ZNF484: variants seen among roughly 807,000 people sequenced by gnomAD.
ZNF484 encodes the protein zinc finger protein 484, also known as KRAB box containing C2H2 type zinc finger bA526D8.4.
Under a neutral mutation model 12.9 loss-of-function variants are expected in ZNF484, and 11 were observed. The ratio of observed to expected loss-of-function variants is 0.85; its 90% CI spans 0.54 to 1.41. The LOEUF is 1.41. Among genes scored for constraint, ZNF484 ranks in the 40% most tolerant of loss-of-function variants. ZNF484 has a pLI of 0.00. For synonymous variants in ZNF484, 289 were observed against 334.1 expected (o/e 0.86, Z 1.47); for missense variants, 807 against 1,007.7 (o/e 0.80, Z 2.70).
chr9:92,855,351 C>G (rs1856372295), intron 4 of ZNF484, among the ~76,000 whole-genome samples: 1 of 151,888 alleles, frequency 6.6e-6, no homozygotes, highest in Non-Finnish European at 1.5e-5. Context: ...TTGTGAGGCA[C>G]TAAGGGGAAA....
At chr9:92,872,909 T>TA (rs201962665) in intron 2 of ZNF484, among the ~76,000 whole-genome samples, 5,072 of 144,094 alleles carry the variant, frequency 0.035, 155 homozygotes, top group African/African-American at 0.089. Context: ...TTTCAAGTGC[T>TA]AAAAAAAAAA....
At chr9:92,867,587 C>T (rs1008428497) in intron 2 of ZNF484, among the ~76,000 whole-genome samples, 7 of 152,106 alleles carry the variant, frequency 4.6e-5, no homozygotes, top group Admixed American at 3.3e-4. Flanking sequence ...ATGTAACAAA[C>T]CTGCACATTC....
intron 2 of ZNF484, among the ~76,000 whole-genome samples, chr9:92,860,103 A>G (rs1255250101): frequency 1.3e-5 from 2 of 152,182 alleles, no homozygotes; most frequent in Non-Finnish European, 2.9e-5. Flanking sequence ...TGCATGGCCA[A>G]AGGTACCCCA....
At position 92,844,962 on chromosome 9, in the gene ZNF484, A is replaced by T. The variant is rs35586271; in HGVS notation, c.*1266T>A. The T allele has an allele frequency of 6.6e-6, 1 of 152,184 alleles. No individual in the cohort carries two copies. The highest frequency in any genetic ancestry group is 1.5e-5 in the Non-Finnish European group (1 of 68,020). The allele number at this position is 152,184 out of a possible 1,614,324, so 9.4% of individuals were successfully genotyped here. A position where few individuals can be genotyped will look rare whatever the true frequency, so the allele number is the denominator to read the frequency against. On this transcript the variant is annotated 3_prime_UTR_variant, in exon 5 of 5. Transcript: ENST00000375495. ...CAGAATCCAAATATACAAAATTAATACCATATAAGAGACAAATAAATGAAA... is the reference window on the plus strand; with the variant it reads ...CAGAATCCAAATATACAAAATTAATTCCATATAAGAGACAAATAAATGAAA...
chr9:92,862,656 A>G (rs1347664625), intron 2 of ZNF484, among the ~76,000 whole-genome samples: 1 of 152,218 alleles, frequency 6.6e-6, no homozygotes, highest in African/African-American at 2.4e-5. Context: ...CAGTAGAGGT[A>G]TGCTGGCATG....
Position 92,847,328 on chromosome 9 carries a change from G to A in ZNF484, c.1459C>T (p.Gln487Ter). 1 of 1,613,526 alleles carries A rather than the reference G, an allele frequency of 6.2e-7. No individual in the cohort carries two copies. The highest frequency in any genetic ancestry group is 1.7e-5 in the Admixed American group (1 of 59,910). The change falls in exon 5 of 5, where the codon CAG becomes TAG. Residue 487 changes from glutamine (Q) to a stop codon, truncating the protein, a stop_gained. Transcript: ENST00000375495. LOFTEE classifies it low-confidence loss of function (END_TRUNC). ...FTHKTNLIIHQKIHTGERPYI... is the reference protein window; with the variant it reads ...FTHKTNLIIH ...GGTCTTTCTCCTGTATGAATTTTCT[G>A]GTGTATAATGAGATTTGTCTTGTGA...
intron 1 of ZNF484, among the ~76,000 whole-genome samples, chr9:92,877,530 T>C (rs948433188): frequency 6.6e-4 from 100 of 151,804 alleles, no homozygotes; most frequent in African/African-American, 2.2e-3. Context: ...GAAACGAAAA[T>C]ATAAACAGAT....
At chr9:92,860,817 G>A (rs1173108850) in intron 2 of ZNF484, among the ~76,000 whole-genome samples, 3 of 152,020 alleles carry the variant, frequency 2.0e-5, no homozygotes, top group Non-Finnish European at 2.9e-5. Context: ...GACTGTATTG[G>A]CTAACCCTAC....
At chr9:92,858,454 A>G (rs1186531343) in intron 2 of ZNF484, among the ~76,000 whole-genome samples, 3 of 152,206 alleles carry the variant, frequency 2.0e-5, no homozygotes, top group African/African-American at 7.2e-5. Flanking sequence ...GGAAAAAGCA[A>G]TATTTGAAGA....
At chr9:92,870,245 C>T (rs1201054263) in intron 2 of ZNF484, among the ~76,000 whole-genome samples, 4 of 151,958 alleles carry the variant, frequency 2.6e-5, no homozygotes, top group African/African-American at 9.7e-5. Context: ...ACCAGGTGTT[C>T]GAAAAACCTA....
chr9:92,872,449 C>A (rs1229198153), intron 2 of ZNF484, among the ~76,000 whole-genome samples: 3 of 87,246 alleles, frequency 3.4e-5, no homozygotes, highest in Non-Finnish European at 6.3e-5. Flanking sequence ...GAGATCGCGC[C>A]ATTGCACTCC....
At chr9:92,855,408 G>C (rs1287881195) in intron 4 of ZNF484, among the ~76,000 whole-genome samples, 1 of 152,150 alleles carries the variant, frequency 6.6e-6, no homozygotes, top group Non-Finnish European at 1.5e-5. Context: ...GTAATGCATA[G>C]TAATGTTTTC....
intron 2 of ZNF484, among the ~76,000 whole-genome samples, chr9:92,863,266 G>A (rs1224249626): frequency 1.7e-5 from 2 of 119,878 alleles, no homozygotes; most frequent in African/African-American, 3.1e-5. Flanking sequence ...GGGCCTGTTG[G>A]GGAAGGGTGG....
rs774609142 is a variant in ZNF484, at chr9:92,847,854, A to C, written c.933T>G (p.Asp311Glu). Residue 311 changes from aspartate (D) to glutamate (E), a missense_variant, in exon 5 of 5, where the codon GAT becomes GAG. Coordinates refer to ENST00000375495, the MANE Select transcript of ZNF484 (RefSeq NM_031486.4). ...YAGICTEYEKDFSLKSNRQKT... is the reference protein window; with the variant it reads ...YAGICTEYEKEFSLKSNRQKT... ...TCTGACGGTTTGACTTGAGGGAAAAATCCTTCTCATATTCAGTGCATATTC... is the reference window on the plus strand; with the variant it reads ...TCTGACGGTTTGACTTGAGGGAAAACTCCTTCTCATATTCAGTGCATATTC... 109 of 1,614,012 alleles carry C rather than the reference A, an allele frequency of 6.8e-5. No homozygotes were observed. The highest frequency in any genetic ancestry group is 9.1e-5 in the Non-Finnish European group (107 of 1,180,034).
At chr9:92,852,529 CTTTTTTTTTTT>C (rs760841960) in intron 4 of ZNF484, among the ~76,000 whole-genome samples, 1 of 63,450 alleles carries the variant, frequency 1.6e-5, no homozygotes, top group Non-Finnish European at 2.7e-5. Context: ...CACGCCCAGC[CTTTTTTTTTTT>C]TTTTTTTTTT....
intron 2 of ZNF484, among the ~76,000 whole-genome samples, chr9:92,858,899 G>A (rs1856620056): frequency 6.6e-6 from 1 of 152,168 alleles, no homozygotes; most frequent in Non-Finnish European, 1.5e-5. Flanking sequence ...GCTGAGGCAG[G>A]CGGATCATGA....
At chr9:92,862,202 C>T (rs1856822049) in intron 2 of ZNF484, 7 of 905,636 alleles carry the variant, frequency 7.7e-6, no homozygotes, top group Admixed American at 6.2e-5. Flanking sequence ...AACTGCCATA[C>T]ATTTATTAAG....
In ZNF484 at chr9:92,847,117, C is replaced by T; in HGVS notation, c.1670G>A (p.Cys557Tyr). The change falls in exon 5 of 5, where the codon TGT (cysteine) becomes TAT (tyrosine). Residue 557 changes from cysteine to tyrosine, a missense_variant. Transcript: ENST00000375495. Reference sequence around the variant, plus strand: ...TGACTTCTGAATGAATGCTTTCCCACATTCACTGCATTCATAATGTCTCTC... The same window carrying T: ...TGACTTCTGAATGAATGCTTTCCCATATTCACTGCATTCATAATGTCTCTC... ...TGERHYECSE[C>Y]GKAFIQKSTL... is the part of the protein sequence containing the mutation. 1 of 1,614,110 alleles carries T rather than the reference C, an allele frequency of 6.2e-7. No individual in the cohort carries two copies. Among genetic ancestry groups the T allele is most frequent in the Non-Finnish European group, 8.5e-7 (1 of 1,180,006 alleles).
chr9:92,846,837 A>G lies in ZNF484; in HGVS notation c.1950T>C (p.Asn650=). ...ECGKAFTDRS[N]LFTHQKIHTG... ...TGTGAATTTTCTGGTGTGTAAAGAG[A>G]TTTGATCTGTCAGTAAAAGCCTTTC... Residue 650 remains asparagine, a synonymous_variant, in exon 5 of 5, where the codon AAT becomes AAC. Coordinates refer to ENST00000375495, the MANE Select transcript of ZNF484 (RefSeq NM_031486.4). The G allele has an allele frequency of 1.2e-6, 2 of 1,613,716 alleles. No individual in the cohort carries two copies. The highest frequency in any genetic ancestry group is 1.7e-6 in the Non-Finnish European group (2 of 1,179,948).
Sources: allele counts gnomAD v4.1 joint callset (sites outside exome capture counted in the v4.1 genomes callset), GRCh38; gene constraint gnomAD v4.1.1; transcripts MANE v1.5; gene names NCBI Gene and HGNC (gene_info 2026-07-23, HGNC 2026-07-21).